Variants in DNAH3 observed in about 807,000 individuals in gnomAD.
The protein encoded by DNAH3 is axonemal beta dynein heavy chain 3.
Under a neutral mutation model 432.5 loss-of-function variants are expected in DNAH3, and 332 were observed. The observed-to-expected ratio is 0.77, with a 90% confidence interval of 0.70 to 0.84. The LOEUF (loss-of-function observed/expected upper bound fraction) is 0.84. Ranked by LOEUF, DNAH3 falls within the 40% of genes least tolerant of loss-of-function variation. DNAH3 has a pLI of 0.00. For synonymous variants in DNAH3, 1,956 were observed against 1,900.2 expected (o/e 1.03, Z -0.76); for missense variants, 4,861 against 5,114.0 (o/e 0.95, Z 1.51).
intron 7 of DNAH3, 55 bp from the exon 9 acceptor site, chr16:21,127,867 C>T (rs2092474375): frequency 1.9e-6 from 3 of 1,605,600 alleles, no homozygotes; most frequent in Non-Finnish European, 2.6e-6. Context: ...ATAACAAATC[C>T]CGCAGGACAG....
At chr16:20,988,377 T>C (rs899252113) in intron 44 of DNAH3, among the ~76,000 whole-genome samples, 1 of 152,224 alleles carries the variant, frequency 6.6e-6, no homozygotes, top group African/African-American at 2.4e-5. Context: ...TACTGAGTGC[T>C]AGTTTAGTGC....
chr16:21,036,624 A>G, intron 35 of DNAH3, 90 bp downstream of exon 35: 1 of 1,223,198 alleles, frequency 8.2e-7, no homozygotes, highest in Non-Finnish European at 1.2e-6. Flanking sequence ...GATTGCTGTC[A>G]CTTCAGTTCC....
chr16:21,006,363 T>C (rs1445153029), intron 41 of DNAH3, among the ~76,000 whole-genome samples: 1 of 152,234 alleles, frequency 6.6e-6, no homozygotes, highest in African/African-American at 2.4e-5. Flanking sequence ...GAAATGTAAT[T>C]TACATATCAT....
rs770040756 is a variant in DNAH3 at position 20,933,265 on chromosome 16, G to A, written c.12240C>T (p.Ser4080=). 3.1e-6 allele frequency: 5 copies of A among 1,614,220 alleles called. No homozygotes were observed. The South Asian group carries it at 4.4e-5, about 14-fold the overall frequency. ...CATAGTTGGTAGAGTGGCCTGTGGT[G>A]GAGAGGGTTCCTCTGCGGGCACTTG... is the stretch of plus-strand genomic sequence containing the variant. The change falls in exon 62 of 62, where the codon TCC becomes TCT. Residue 4080 remains serine (S), a synonymous_variant. Transcript: ENST00000261383.
intron 5 of DNAH3, 173 bp from the exon 7 acceptor site, chr16:21,136,686 T>C: frequency 1.6e-6 from 1 of 631,466 alleles, no homozygotes; most frequent in Non-Finnish European, 2.8e-6. Flanking sequence ...AGAAGATCAC[T>C]GGCAAATTTT....
chr16:21,156,485 G>A (rs149994956), intron 1 of DNAH3, among the ~76,000 whole-genome samples: 4 of 152,176 alleles, frequency 2.6e-5, no homozygotes, highest in African/African-American at 9.6e-5. Context: ...ACCCACCTTG[G>A]CCTCCCAAAG....
At chr16:21,141,173 C>G in intron 4 of DNAH3, 127 bp downstream of exon 5, 3 of 713,764 alleles carry the variant, frequency 4.2e-6, no homozygotes, top group East Asian at 5.9e-5. Flanking sequence ...TAAAGTGATT[C>G]GTGGATAAGA....
chr16:20,933,345 C>A (rs1243241426), exon 62 of DNAH3: 1 of 1,614,136 alleles, frequency 6.2e-7, no homozygotes, highest in Non-Finnish European at 8.5e-7. Context: ...GCGCTCTCCC[C>A]AGGTTTCAGC....
At chr16:20,974,339 C>CTTTGT (rs138989216) in intron 51 of DNAH3, among the ~76,000 whole-genome samples, 6 of 151,904 alleles carry the variant, frequency 3.9e-5, no homozygotes, top group African/African-American at 4.8e-5. Flanking sequence ...CCCCTGGCCA[C>CTTTGT]TTTGTTTTGT....
Position 21,003,092 on chromosome 16 carries a change from TTC to T in DNAH3, c.6126+10_6126+11del. ...GAAACCAAAGTTCCATGGCCAATGA[TTC>T]TCTTTATACCTTTGCACCAGCTGGA... On this transcript the variant is annotated intron_variant, in intron 42 of 61. Coordinates refer to ENST00000261383, the Ensembl canonical transcript of DNAH3. 6.4e-7 allele frequency: 1 copy of T among 1,551,782 alleles called. No individual in the cohort carries two copies. The highest frequency in any genetic ancestry group is 8.9e-7 in the Non-Finnish European group (1 of 1,125,192).
chr16:21,135,174 T>C (rs945928801), intron 6 of DNAH3, among the ~76,000 whole-genome samples: 3 of 152,174 alleles, frequency 2.0e-5, no homozygotes, highest in Non-Finnish European at 2.9e-5. Context: ...TGAGCCCTGG[T>C]AGGATGTCTA....
chr16:21,048,076 C>T (rs2089788175), intron 31 of DNAH3, among the ~76,000 whole-genome samples: 2 of 152,248 alleles, frequency 1.3e-5, no homozygotes, highest in Admixed American at 6.5e-5. Context: ...CTCCTCTCTT[C>T]AAAGCTGTCA....
At chr16:21,148,770 T>C (rs2092817926) in intron 1 of DNAH3, among the ~76,000 whole-genome samples, 1 of 152,116 alleles carries the variant, frequency 6.6e-6, no homozygotes, top group Admixed American at 6.6e-5. Context: ...AGTCTGTCGA[T>C]CAGGAACACA....
chr16:21,056,501 G>T (rs899485926), intron 27 of DNAH3, among the ~76,000 whole-genome samples: 2 of 145,988 alleles, frequency 1.4e-5, no homozygotes, highest in South Asian at 4.6e-4. Flanking sequence ...TTCTGTAAAA[G>T]AGCCTTTTTC....
intron 11 of DNAH3, among the ~76,000 whole-genome samples, chr16:21,117,980 GT>G (rs58911431): frequency 1.3e-5 from 2 of 151,060 alleles, no homozygotes; most frequent in Non-Finnish European, 3.0e-5. Flanking sequence ...TCTCTCGTGG[GT>G]TTTTTTTTGT....
chr16:20,961,899 AC>A (rs1555510629), intron 53 of DNAH3, among the ~76,000 whole-genome samples: 2 of 151,080 alleles, frequency 1.3e-5, no homozygotes, highest in Non-Finnish European at 2.9e-5. Context: ...AGTAGCTCAC[AC>A]CAGTAATCCC....
At chr16:21,038,101 G>A (rs1157890315) in intron 33 of DNAH3, 121 bp from the exon 34 acceptor site, 2 of 767,250 alleles carry the variant, frequency 2.6e-6, no homozygotes, top group Non-Finnish European at 2.2e-6. Context: ...ACTTGATGGA[G>A]AAGCCCTATC....
In DNAH3 at chr16:21,092,084, C is replaced by A. The variant is rs150504094; in HGVS notation, c.2666-5024G>T. ...AACACAATCCCAGTAAAAATCCCAG[C>A]AAGTTATTTTGTGGATATTGACAAG... On this transcript the variant is annotated intron_variant, in intron 18 of 61. Coordinates refer to ENST00000261383, the Ensembl canonical transcript of DNAH3. Among the ~76,000 whole-genome samples, 1,127 of 152,200 alleles carry A rather than the reference C, an allele frequency of 7.4e-3. 26 individuals are homozygous for A. The highest frequency in any genetic ancestry group is 0.026 in the African/African-American group (1,079 of 41,526).
chr16:21,067,156 G>T, intron 24 of DNAH3, 127 bp downstream of exon 24: 1 of 1,075,484 alleles, frequency 9.3e-7, no homozygotes, highest in Non-Finnish European at 1.4e-6. Flanking sequence ...AAACTGTCTT[G>T]GAGAATGGAA....
Sources: gnomAD v4.1 joint callset for allele counts (sites outside exome capture counted in the v4.1 genomes callset) on GRCh38, gnomAD v4.1.1 for gene constraint, MANE v1.5 for transcripts, NCBI Gene and HGNC (gene_info 2026-07-23, HGNC 2026-07-21) for gene names.